DPP6: variants seen among roughly 807,000 people sequenced by gnomAD.
DPP6 encodes the protein A-type potassium channel modulatory protein DPP6.
DPP6 carries 69 observed loss-of-function variants against 122.6 expected under a neutral mutation model. That is an observed-to-expected ratio of 0.56 (90% CI 0.46 to 0.69). DPP6 has a LOEUF of 0.69. DPP6 is among the 30% of genes least tolerant of loss of function. The pLI is 0.00. For synonymous variants in DPP6, 418 were observed against 433.1 expected (o/e 0.97, Z 0.43); for missense variants, 928 against 1,116.9 (o/e 0.83, Z 2.41).
chr7:154,849,932 T>G (rs2150570967), intron 16 of DPP6, among the ~76,000 whole-genome samples: 1 of 152,352 alleles, frequency 6.6e-6, no homozygotes, highest in Admixed American at 6.5e-5. Flanking sequence ...TTGCATGGCC[T>G]TCATTTTGTT....
chr7:154,766,256 C>T (rs1795893421), intron 8 of DPP6, among the ~76,000 whole-genome samples: 1 of 152,206 alleles, frequency 6.6e-6, no homozygotes, highest in Non-Finnish European at 1.5e-5. Context: ...TGCCATCACA[C>T]ACACCAGATA....
intron 1 of DPP6, among the ~76,000 whole-genome samples, chr7:154,007,268 A>G (rs1455281362): frequency 6.6e-6 from 1 of 152,158 alleles, no homozygotes; most frequent in East Asian, 1.9e-4. Context: ...CATTCACTCA[A>G]CGTCTGTGAG....
intron 8 of DPP6, among the ~76,000 whole-genome samples, chr7:154,750,055 G>A (rs1010018356): frequency 2.0e-5 from 3 of 152,130 alleles, no homozygotes; most frequent in African/African-American, 7.2e-5. Flanking sequence ...GCATAGGACG[G>A]AAAATACCAG....
intron 1 of DPP6, among the ~76,000 whole-genome samples, chr7:154,302,363 G>A (rs940023721): frequency 2.6e-5 from 4 of 152,268 alleles, no homozygotes; most frequent in South Asian, 2.1e-4. Flanking sequence ...AGGATATCTC[G>A]CTCTTTTGTT....
At chr7:154,367,970 C>T (rs1812325355) in intron 1 of DPP6, among the ~76,000 whole-genome samples, 1 of 152,084 alleles carries the variant, frequency 6.6e-6, no homozygotes, top group Non-Finnish European at 1.5e-5. Flanking sequence ...CCACGCCCAA[C>T]TGATTTTTTG....
At chr7:154,039,359 C>G (rs2129057367) in intron 1 of DPP6, among the ~76,000 whole-genome samples, 1 of 139,966 alleles carries the variant, frequency 7.1e-6, no homozygotes, top group South Asian at 2.3e-4. Context: ...TTTCAAAGAT[C>G]AGAAAATTCC....
At chr7:153,857,812 A>G in the DPP6 span, among the ~76,000 whole-genome samples, 1 of 152,234 alleles carries the variant, frequency 6.6e-6, no homozygotes, top group African/African-American at 2.4e-5. Context: ...GCATAGTGCT[A>G]AAACCTCTTT....
chr7:154,611,734 C>T (rs1387189), intron 5 of DPP6, among the ~76,000 whole-genome samples: 61,561 of 151,948 alleles, frequency 0.41, 13,471 homozygotes, highest in East Asian at 0.65. Context: ...CACAAAGATC[C>T]CATGTACTCT....
At chr7:154,059,459 TC>T (rs1801358887) in intron 1 of DPP6, 1 of 151,126 alleles carries the variant, frequency 6.6e-6, no homozygotes, top group African/African-American at 2.5e-5. Flanking sequence ...ATCCGACGGG[TC>T]CGAACGCAGC....
chr7:154,717,881 G>GC (rs370093606), intron 7 of DPP6, among the ~76,000 whole-genome samples: 12 of 151,962 alleles, frequency 7.9e-5, no homozygotes, highest in African/African-American at 2.7e-4. Flanking sequence ...TGTATAAAAG[G>GC]CCCCCCCTTA....
chr7:154,794,531 G>T (rs1186551587), intron 11 of DPP6, among the ~76,000 whole-genome samples: 1 of 152,170 alleles, frequency 6.6e-6, no homozygotes, highest in Non-Finnish European at 1.5e-5. Context: ...CGTCCTCCTC[G>T]TTGCAGCTGA....
At chr7:153,781,891 G>C in the DPP6 span, among the ~76,000 whole-genome samples, 331 of 149,374 alleles carry the variant, frequency 2.2e-3, no homozygotes, top group African/African-American at 7.8e-3. Context: ...TTTAAATCAA[G>C]TCATAAAGCA....
intron 1 of DPP6, among the ~76,000 whole-genome samples, chr7:154,332,624 TGTTA>T (rs1809052121): frequency 6.6e-6 from 1 of 152,208 alleles, no homozygotes; most frequent in Non-Finnish European, 1.5e-5. Flanking sequence ...GATAGGAGCC[TGTTA>T]GAGTTTGAAG....
chr7:153,940,390 G>T (rs1801643287), intron 1 of DPP6, among the ~76,000 whole-genome samples: 1 of 152,122 alleles, frequency 6.6e-6, no homozygotes, highest in Non-Finnish European at 1.5e-5. Flanking sequence ...GAAGTCAAGT[G>T]CAGAGTCACT....
At chr7:153,869,334 T>C in the DPP6 span, among the ~76,000 whole-genome samples, 2 of 152,230 alleles carry the variant, frequency 1.3e-5, no homozygotes, top group Admixed American at 1.3e-4. Context: ...ATCTGGGTGC[T>C]CCTGTATTGG....
intron 1 of DPP6, among the ~76,000 whole-genome samples, chr7:154,269,062 A>G (rs1476752466): frequency 6.6e-6 from 1 of 150,394 alleles, no homozygotes; most frequent in Non-Finnish European, 1.5e-5. Context: ...TTTTTTTTTC[A>G]ATCTGTAATA....
intron 3 of DPP6, among the ~76,000 whole-genome samples, chr7:154,480,034 C>T (rs1423612082): frequency 2.0e-5 from 3 of 152,082 alleles, no homozygotes; most frequent in East Asian, 3.9e-4. Context: ...TGCCCCGCCC[C>T]ACAGGTGACC....
chr7:154,227,576 ATAATAT>A (rs529319998), intron 1 of DPP6, among the ~76,000 whole-genome samples: 12 of 152,316 alleles, frequency 7.9e-5, no homozygotes, highest in African/African-American at 2.6e-4. Context: ...TATCACAATA[ATAATAT>A]TAATAATAAC....
intron 1 of DPP6, among the ~76,000 whole-genome samples, chr7:154,306,884 A>G (rs911505540): frequency 7.9e-5 from 12 of 152,182 alleles, no homozygotes; most frequent in African/African-American, 2.9e-4. Flanking sequence ...CAAAAATTCC[A>G]CAGAATATTT....
Sources: allele counts gnomAD v4.1 joint callset (sites outside exome capture counted in the v4.1 genomes callset), GRCh38; gene constraint gnomAD v4.1.1; transcripts MANE v1.5; gene names NCBI Gene and HGNC (gene_info 2026-07-23, HGNC 2026-07-21).